Variants in ZWILCH observed in about 807,000 individuals in gnomAD.
The protein encoded by ZWILCH is protein zwilch homolog.
In ZWILCH, 74 loss-of-function variants were observed where a neutral mutation model predicts 79.9. That is an observed-to-expected ratio of 0.93 (90% CI 0.77 to 1.12). ZWILCH has a LOEUF of 1.12. ZWILCH is among the 50% of genes most tolerant of loss of function. The pLI is 0.00. For missense variants in ZWILCH, 694 were observed against 687.5 expected, an observed-to-expected ratio of 1.01 and a Z score of -0.11; for synonymous variants, 241 against 228.2, an observed-to-expected ratio of 1.06 and a Z score of -0.51.
rs568798688 is a variant in ZWILCH, at chr15:66,548,703, A to C, written c.*379A>C. The C allele has an allele frequency of 1.9e-6, 1 of 513,516 alleles. No homozygotes were observed. The highest frequency in any genetic ancestry group is 4.2e-5 in the South Asian group (1 of 23,844). The allele number at this position is 513,516 out of a possible 1,614,324, so 31.8% of individuals were successfully genotyped here. A position where few individuals can be genotyped will look rare whatever the true frequency, so the allele number is the denominator to read the frequency against. On this transcript the variant is annotated 3_prime_UTR_variant, in exon 19 of 19. Coordinates refer to ENST00000307897, the MANE Select transcript of ZWILCH (RefSeq NM_017975.5). The stretch of plus-strand genomic sequence containing the variant: ...AGCTTTAACTGTATTGGGAAAACTT[A>C]AAAAATAGCATCCTCAAATTTTCTG...
chr15:66,518,812 C>T lies in ZWILCH; in HGVS notation c.321-67C>T, dbSNP rs112667915. 1.1e-5 allele frequency: 16 copies of T among 1,467,250 alleles called. No homozygotes were observed. The African/African-American group carries it at 1.3e-4, about 12-fold the overall frequency. 90.9% of individuals were successfully genotyped at this position (1,467,250 alleles called of 1,614,324 possible). ...GGCAACAGAGTGAGACCCTGTCTCTCAGAAATTAAAGAAATTCTTGAATTG... is the reference window on the plus strand; with the variant it reads ...GGCAACAGAGTGAGACCCTGTCTCTTAGAAATTAAAGAAATTCTTGAATTG... On this transcript the variant is annotated intron_variant, in intron 4 of 18. Transcript: ENST00000307897.
chr15:66,529,637 C>CAGTTGGCT, intron 12 of ZWILCH, 64 bp downstream of exon 12: 1 of 1,282,118 alleles, frequency 7.8e-7, no homozygotes, highest in Non-Finnish European at 1.1e-6. Context: ...AAGACACAGG[C>CAGTTGGCT]TCTGAAGCCA....
chr15:66,507,794 G>A (rs1193964482), intron 1 of ZWILCH, among the ~76,000 whole-genome samples: 4 of 152,218 alleles, frequency 2.6e-5, no homozygotes, highest in Middle Eastern at 3.4e-3. Flanking sequence ...TTAACCCGGC[G>A]TGGTGGCAGG....
intron 8 of ZWILCH, 142 bp from the exon 9 acceptor site, chr15:66,527,148 A>T: frequency 1.6e-6 from 1 of 633,270 alleles, no homozygotes; most frequent in South Asian, 1.9e-5. Context: ...CATGTACTAT[A>T]CATAAAGCAC....
intron 3 of ZWILCH, among the ~76,000 whole-genome samples, chr15:66,514,720 T>G (rs1178104680): frequency 6.6e-6 from 1 of 152,198 alleles, no homozygotes; most frequent in East Asian, 1.9e-4. Flanking sequence ...AAAACTCCCT[T>G]GTTGTTATTA....
At chr15:66,521,519 A>G (rs1894492629) in intron 7 of ZWILCH, among the ~76,000 whole-genome samples, 1 of 152,130 alleles carries the variant, frequency 6.6e-6, no homozygotes, top group African/African-American at 2.4e-5. Context: ...GTTTTGAGAC[A>G]GAGTCTTACT....
intron 4 of ZWILCH, among the ~76,000 whole-genome samples, chr15:66,517,005 CT>C (rs1008497803): frequency 6.6e-6 from 1 of 152,056 alleles, no homozygotes; most frequent in African/African-American, 2.4e-5. Context: ...TATTTTACCT[CT>C]TTTTGGAAGT....
intron 5 of ZWILCH, among the ~76,000 whole-genome samples, chr15:66,520,293 T>A (rs1483371876): frequency 6.6e-6 from 1 of 150,656 alleles, no homozygotes; most frequent in Non-Finnish European, 1.5e-5. Context: ...GCTGTTTTTT[T>A]AATTTTCTAT....
In ZWILCH at chr15:66,505,356, C is replaced by G. The variant is rs749004706; in HGVS notation, c.18C>G (p.Asn6Lys). The G allele has an allele frequency of 6.2e-7, 1 of 1,614,104 alleles. No individual in the cohort carries two copies. Among genetic ancestry groups the G allele is most frequent in the Non-Finnish European group, 8.5e-7 (1 of 1,180,034 alleles). Residue 6 changes from asparagine (N) to lysine (K), a missense_variant, in exon 1 of 19, where the codon AAC becomes AAG. Physicochemically the swap from Asn to Lys is moderately conservative, Grantham distance 94 (BLOSUM62 0). Coordinates refer to ENST00000307897, the MANE Select transcript of ZWILCH (RefSeq NM_017975.5). MWERL[N>K]CAAEDFYSRL... ...GGGGCGGGATGTGGGAGCGGCTGAA[C>G]TGCGCAGCAGAGGACTTTTATTCTC...
At chr15:66,540,746 A>T (rs147455554) in intron 17 of ZWILCH, among the ~76,000 whole-genome samples, 1,918 of 149,392 alleles carry the variant, frequency 0.013, 34 homozygotes, top group African/African-American at 0.044. Flanking sequence ...CTCCTGCCTC[A>T]GCCTCCTGAG....
chr15:66,528,996 C>G, intron 11 of ZWILCH, 39 bp downstream of exon 11: 1 of 1,528,420 alleles, frequency 6.5e-7, no homozygotes, highest in East Asian at 2.3e-5. Flanking sequence ...CCTCTTATTT[C>G]TTAGGTTTAT....
At position 66,527,397 on chromosome 15, in the gene ZWILCH, T is replaced by A; in HGVS notation, c.913+14T>A. ...AATTTCTGAATGGTGTATTACTTGT[T>A]TTATTAATTGAGAATTTATACTTGC... On this transcript the variant is annotated intron_variant, in intron 9 of 18. Transcript: ENST00000307897. 6.3e-7 allele frequency: 1 copy of A among 1,597,176 alleles called. No homozygotes were observed. The highest frequency in any genetic ancestry group is 8.6e-7 in the Non-Finnish European group (1 of 1,165,170).
intron 5 of ZWILCH, 93 bp downstream of exon 5, chr15:66,519,171 T>A: frequency 8.0e-7 from 1 of 1,254,630 alleles, no homozygotes; most frequent in Non-Finnish European, 1.1e-6. Context: ...ATTGTTATGA[T>A]GAAAGTGCAC....
chr15:66,514,255 A>C (rs1028424493), intron 3 of ZWILCH, 172 bp downstream of exon 3: 2 of 384,124 alleles, frequency 5.2e-6, no homozygotes, highest in East Asian at 8.6e-5. Flanking sequence ...CACATATGCA[A>C]TTTAACATTT....
chr15:66,522,014 A>G (rs1894511290), intron 7 of ZWILCH, among the ~76,000 whole-genome samples: 1 of 152,096 alleles, frequency 6.6e-6, no homozygotes, highest in Non-Finnish European at 1.5e-5. Flanking sequence ...CCTGACGAAT[A>G]TGGTGAAACC....
chr15:66,543,507 A>G (rs2140811650), intron 17 of ZWILCH, among the ~76,000 whole-genome samples: 1 of 152,306 alleles, frequency 6.6e-6, no homozygotes, highest in African/African-American at 2.4e-5. Flanking sequence ...TAATCCTAGC[A>G]CTTCGGGAGG....
intron 2 of ZWILCH, among the ~76,000 whole-genome samples, chr15:66,510,195 A>AAAAT (rs1333653348): frequency 4.1e-5 from 6 of 147,244 alleles, no homozygotes; most frequent in Non-Finnish European, 9.0e-5. Flanking sequence ...ATAAAATAAT[A>AAAAT]AAATAAAATA....
At position 66,523,851 on chromosome 15, in the gene ZWILCH, A is replaced by C. The variant is rs1595912391; in HGVS notation, c.819+103A>C. 5.1e-6 allele frequency: 4 copies of C among 792,066 alleles called. No individual in the cohort carries two copies. In the East Asian group the frequency reaches 1.0e-4, roughly 20 times the overall value. 49.1% of individuals were successfully genotyped at this position (792,066 alleles called of 1,614,324 possible). On this transcript the variant is annotated intron_variant, in intron 8 of 18. Coordinates refer to ENST00000307897, the MANE Select transcript of ZWILCH (RefSeq NM_017975.5). ...TTTGTGTTACTCAAAACTTCTTCAG[A>C]TGTTATGTATCCATTAGAAGCTCTG...
intron 2 of ZWILCH, among the ~76,000 whole-genome samples, chr15:66,509,856 T>TGTGTGTGTGTGG (rs1567039442): frequency 1.1e-5 from 1 of 89,834 alleles, no homozygotes; most frequent in Non-Finnish European, 2.4e-5. Flanking sequence ...TATATATATA[T>TGTGTGTGTGTGG]ATATATATAT....
Sources: gnomAD v4.1 joint callset for allele counts (sites outside exome capture counted in the v4.1 genomes callset) on GRCh38, gnomAD v4.1.1 for gene constraint, MANE v1.5 for transcripts, NCBI Gene and HGNC (gene_info 2026-07-23, HGNC 2026-07-21) for gene names.